The following RAP1GDS1 variants were observed in gnomAD, a reference collection of about 807,000 sequenced individuals.
RAP1GDS1 encodes the protein Rap1 GTPase-GDP dissociation stimulator 1.
RAP1GDS1 carries 35 observed loss-of-function variants against 71.1 expected under a neutral mutation model. The observed-to-expected ratio is 0.49, with a 90% CI of 0.38 to 0.65. The LOEUF (loss-of-function observed/expected upper bound fraction) is 0.65. Ranked by LOEUF, RAP1GDS1 falls within the 30% of genes least tolerant of loss-of-function variation. The pLI is 0.00. For synonymous variants in RAP1GDS1, 229 were observed against 243.1 expected, an observed-to-expected ratio of 0.94 and a Z score of 0.54; for missense variants, 663 against 706.1, an observed-to-expected ratio of 0.94 and a Z score of 0.69.
At chr4:98,390,128 T>G (rs999197341) in intron 5 of RAP1GDS1, among the ~76,000 whole-genome samples, 4 of 152,164 alleles carry the variant, frequency 2.6e-5, no homozygotes. Context: ...GACCCTCTAG[T>G]AAAGAGCCCT....
chr4:98,436,267 C>T (rs1751124617), intron 13 of RAP1GDS1, among the ~76,000 whole-genome samples: 1 of 152,034 alleles, frequency 6.6e-6, no homozygotes, highest in Non-Finnish European at 1.5e-5. Context: ...CTGGGTCTTC[C>T]ATTCAGTGCC....
intron 3 of RAP1GDS1, among the ~76,000 whole-genome samples, chr4:98,350,675 T>C (rs1737041438): frequency 6.6e-6 from 1 of 152,078 alleles, no homozygotes; most frequent in Non-Finnish European, 1.5e-5. Flanking sequence ...CCATCTCTAC[T>C]AAAAATACAA....
At chr4:98,410,821 T>C (rs1399191976) in intron 7 of RAP1GDS1, among the ~76,000 whole-genome samples, 1 of 152,186 alleles carries the variant, frequency 6.6e-6, no homozygotes, top group East Asian at 1.9e-4. Context: ...TTAGGAATGA[T>C]TATTTACTTG....
chr4:98,433,594 AT>A (rs1750747308), intron 12 of RAP1GDS1, among the ~76,000 whole-genome samples: 1 of 152,116 alleles, frequency 6.6e-6, no homozygotes, highest in Non-Finnish European at 1.5e-5. Flanking sequence ...ACTTTTTTAA[AT>A]TCCAAGTTTT....
intron 3 of RAP1GDS1, among the ~76,000 whole-genome samples, chr4:98,345,322 T>C (rs1736069025): frequency 6.6e-6 from 1 of 152,234 alleles, no homozygotes; most frequent in Non-Finnish European, 1.5e-5. Context: ...AATATTAGCA[T>C]ATACTTCTTC....
At chr4:98,334,253 A>G (rs1734390376) in intron 2 of RAP1GDS1, among the ~76,000 whole-genome samples, 1 of 152,182 alleles carries the variant, frequency 6.6e-6, no homozygotes, top group African/African-American at 2.4e-5. Context: ...CTAAGCATAT[A>G]TACATACACA....
intron 2 of RAP1GDS1, among the ~76,000 whole-genome samples, chr4:98,301,822 G>A (rs1728628045): frequency 6.6e-6 from 1 of 152,186 alleles, no homozygotes; most frequent in South Asian, 2.1e-4. Flanking sequence ...TGGGGATGGA[G>A]TTGTTCACCT....
intron 12 of RAP1GDS1, among the ~76,000 whole-genome samples, chr4:98,425,668 G>T (rs1749511344): frequency 6.6e-6 from 1 of 152,098 alleles, no homozygotes; most frequent in African/African-American, 2.4e-5. Context: ...TGTCCAACAG[G>T]AAAATATCAC....
intron 2 of RAP1GDS1, among the ~76,000 whole-genome samples, chr4:98,320,112 AATAC>A (rs1454224197): frequency 6.6e-6 from 1 of 152,246 alleles, no homozygotes; most frequent in Non-Finnish European, 1.5e-5. Context: ...TATAGTATGT[AATAC>A]ATATAACATA....
At chr4:98,424,417 C>CA (rs896719619) in intron 12 of RAP1GDS1, among the ~76,000 whole-genome samples, 15 of 151,822 alleles carry the variant, frequency 9.9e-5, no homozygotes, top group South Asian at 4.2e-4. Flanking sequence ...ACAAAAATCA[C>CA]AAAAAAAACT....
At chr4:98,296,197 G>A (rs938909122) in intron 2 of RAP1GDS1, among the ~76,000 whole-genome samples, 4 of 152,020 alleles carry the variant, frequency 2.6e-5, no homozygotes, top group African/African-American at 9.7e-5. Context: ...GGTAATGTAT[G>A]TAATGGAAAT....
intron 5 of RAP1GDS1, 118 bp from the exon 6 acceptor site, chr4:98,391,834 G>A: frequency 2.0e-6 from 2 of 982,684 alleles, no homozygotes; most frequent in Non-Finnish European, 2.8e-6. Context: ...TTCTATTACT[G>A]TAATTTAAAT....
chr4:98,412,501 C>T lies in RAP1GDS1; in HGVS notation c.764-4244C>T, dbSNP rs76653761. The stretch of plus-strand genomic sequence containing the variant: ...CTGCGCTCCAGCCTGGGCAACGGAG[C>T]GAGACACTGTCTCTTAAACAAAAAA... On this transcript the variant is annotated intron_variant, in intron 7 of 14. Transcript: ENST00000408927. Among the ~76,000 whole-genome samples, 587 of 152,214 alleles carry T rather than the reference C, an allele frequency of 3.9e-3. 6 individuals carry two copies. Among genetic ancestry groups the T allele is most frequent in the African/African-American group, 0.013 (559 of 41,520 alleles).
intron 10 of RAP1GDS1, among the ~76,000 whole-genome samples, chr4:98,419,795 A>G (rs1490027182): frequency 6.6e-6 from 1 of 152,248 alleles, no homozygotes; most frequent in Non-Finnish European, 1.5e-5. Context: ...ACTGTCATAA[A>G]AATTATTATA....
chr4:98,267,224 T>C (rs141610377), intron 1 of RAP1GDS1, among the ~76,000 whole-genome samples: 174 of 152,304 alleles, frequency 1.1e-3, no homozygotes, highest in African/African-American at 3.9e-3. Context: ...ATCAGGGTAA[T>C]GCTGGCCTCA....
At chr4:98,286,262 C>A (rs1725990741) in intron 1 of RAP1GDS1, among the ~76,000 whole-genome samples, 2 of 145,774 alleles carry the variant, frequency 1.4e-5, no homozygotes. Context: ...GAGACCCTGT[C>A]TCAAAAAAAA....
chr4:98,349,836 G>GT (rs576301992), intron 3 of RAP1GDS1, among the ~76,000 whole-genome samples: 104 of 144,622 alleles, frequency 7.2e-4, no homozygotes, highest in African/African-American at 9.1e-4. Flanking sequence ...AAACATCCCT[G>GT]TTTTTTTTTT....
intron 1 of RAP1GDS1, among the ~76,000 whole-genome samples, chr4:98,286,139 C>T (rs529799898): frequency 1.3e-5 from 2 of 151,648 alleles, no homozygotes; most frequent in African/African-American, 4.8e-5. Flanking sequence ...GTAGTCAGCA[C>T]CTGTGGCCCC....
At chr4:98,281,461 A>G (rs1725088795) in intron 1 of RAP1GDS1, among the ~76,000 whole-genome samples, 1 of 152,190 alleles carries the variant, frequency 6.6e-6, no homozygotes, top group Non-Finnish European at 1.5e-5. Flanking sequence ...TTGATTTTGT[A>G]TCCTGAGACT....
Sources: allele counts gnomAD v4.1 joint callset (sites outside exome capture counted in the v4.1 genomes callset), GRCh38; gene constraint gnomAD v4.1.1; transcripts MANE v1.5; gene names NCBI Gene and HGNC (gene_info 2026-07-23, HGNC 2026-07-21).